EYS: variants seen among roughly 807,000 people sequenced by gnomAD.
EYS encodes the protein protein eyes shut homolog.
Under a neutral mutation model 282.1 loss-of-function variants are expected in EYS, and 250 were observed. The ratio of observed to expected loss-of-function variants is 0.89; its 90% CI spans 0.80 to 0.98. EYS has a LOEUF of 0.98. Among genes scored for constraint, EYS ranks in the 50% least tolerant of loss-of-function variants. The pLI is 0.00. For synonymous variants in EYS, 1,355 were observed against 1,282.9 expected (o/e 1.06, Z -1.20); for missense variants, 4,016 against 3,709.0 (o/e 1.08, Z -2.15).
At chr6:64,362,785 C>T (rs1772059989) in intron 29 of EYS, among the ~76,000 whole-genome samples, 1 of 151,608 alleles carries the variant, frequency 6.6e-6, no homozygotes. Flanking sequence ...TTGATTTTTA[C>T]TTCAACAGTA....
intron 35 of EYS, among the ~76,000 whole-genome samples, chr6:63,947,200 A>T (rs1037545611): frequency 5.9e-5 from 9 of 152,062 alleles, no homozygotes; most frequent in African/African-American, 2.2e-4. Context: ...GTTTGCCTGT[A>T]GAGTGAATGT....
chr6:63,814,869 G>C (rs1771140516), intron 36 of EYS, among the ~76,000 whole-genome samples: 1 of 152,090 alleles, frequency 6.6e-6, no homozygotes, highest in South Asian at 2.1e-4. Context: ...TATTACATAA[G>C]CTGTGCAGGT....
intron 12 of EYS, among the ~76,000 whole-genome samples, chr6:65,273,585 A>T (rs1767962723): frequency 6.6e-6 from 1 of 152,194 alleles, no homozygotes; most frequent in South Asian, 2.1e-4. Context: ...GGGGAAAAAA[A>T]GAGAAAGACA....
chr6:64,569,026 GAAAA>G (rs4034162), intron 26 of EYS, among the ~76,000 whole-genome samples: 3 of 101,728 alleles, frequency 2.9e-5, no homozygotes, highest in African/African-American at 1.2e-4. Context: ...AGATGGAAAA[GAAAA>G]AAAAAAAAAA....
rs199930674 is a variant in EYS at position 63,867,445 on chromosome 6, T to C, written c.7056-3087A>G. ...AATTAAAAGTAGGTCTGCGAAATAA[T>C]CCAGATTATGGTGAAGTTTTTACCT... is the stretch of plus-strand genomic sequence containing the variant. On this transcript the variant is annotated intron_variant, in intron 35 of 42. Coordinates refer to ENST00000503581, the MANE Select transcript of EYS (RefSeq NM_001142800.2). 6.6e-5 allele frequency among the ~76,000 whole-genome samples: 10 copies of C among 152,226 alleles called. No homozygotes were observed. In the East Asian group the frequency reaches 1.9e-3, roughly 29 times the overall value.
At chr6:65,093,532 A>G (rs1046320709) in intron 12 of EYS, among the ~76,000 whole-genome samples, 15 of 151,948 alleles carry the variant, frequency 9.9e-5, no homozygotes, top group Admixed American at 6.6e-4. Context: ...GTAAAAGTGT[A>G]GAAATTTTAT....
chr6:64,347,573 A>T (rs1159464314), intron 29 of EYS, among the ~76,000 whole-genome samples: 2 of 134,840 alleles, frequency 1.5e-5, no homozygotes, highest in African/African-American at 5.7e-5. Context: ...CTACTTATGC[A>T]TATGTTTGAA....
At chr6:65,589,039 A>T (rs1294969985) in intron 2 of EYS, among the ~76,000 whole-genome samples, 1 of 151,930 alleles carries the variant, frequency 6.6e-6, no homozygotes, top group Non-Finnish European at 1.5e-5. Flanking sequence ...TCCCCTCCTG[A>T]TAAGTTTATT....
At chr6:64,165,938 G>A (rs1363697758) in intron 31 of EYS, among the ~76,000 whole-genome samples, 2 of 152,168 alleles carry the variant, frequency 1.3e-5, no homozygotes, top group Non-Finnish European at 2.9e-5. Flanking sequence ...CATAATGAAT[G>A]GAATTTCTAT....
intron 13 of EYS, among the ~76,000 whole-genome samples, chr6:65,024,212 G>C (rs953880972): frequency 5.3e-5 from 8 of 152,204 alleles, no homozygotes; most frequent in African/African-American, 1.9e-4. Context: ...TGTCTAGGGA[G>C]CTTTTATTCA....
At chr6:64,938,727 G>GC (rs1768992994) in intron 15 of EYS, among the ~76,000 whole-genome samples, 2 of 151,572 alleles carry the variant, frequency 1.3e-5, no homozygotes, top group Admixed American at 6.6e-5. Context: ...TTTAAGGGAG[G>GC]CTAGGATAAG....
At chr6:65,675,659 T>A (rs539772784) in intron 1 of EYS, among the ~76,000 whole-genome samples, 1 of 151,792 alleles carries the variant, frequency 6.6e-6, no homozygotes, top group South Asian at 2.1e-4. Context: ...TAGCAGGAAA[T>A]CCCACACTCC....
chr6:64,039,337 T>C (rs1302664224), intron 33 of EYS, among the ~76,000 whole-genome samples: 3 of 152,174 alleles, frequency 2.0e-5, no homozygotes, highest in Non-Finnish European at 4.4e-5. Flanking sequence ...CTAACTCAAG[T>C]CAACTGCTTA....
chr6:63,792,347 A>G (rs191573947), intron 37 of EYS, among the ~76,000 whole-genome samples: 48 of 152,080 alleles, frequency 3.2e-4, no homozygotes, highest in Middle Eastern at 6.8e-3. Flanking sequence ...CTGGTAGTAA[A>G]TGATGGAGTA....
chr6:64,695,329 A>T lies in EYS; in HGVS notation c.3444-69084T>A, dbSNP rs114604985. 6.9e-3 allele frequency among the ~76,000 whole-genome samples: 1,054 copies of T among 152,242 alleles called. 4 individuals are homozygous for T. Among genetic ancestry groups the T allele is most frequent in the Non-Finnish European group, 9.2e-3 (627 of 68,018 alleles). The stretch of plus-strand genomic sequence containing the variant: ...GAGGTCAACTTGCACAGCTCATTAC[A>T]ACATCTGCTGATACCAATTCATAAC... On this transcript the variant is annotated intron_variant, in intron 22 of 42. Transcript: ENST00000503581.
At chr6:65,145,053 G>A (rs1276108181) in intron 12 of EYS, among the ~76,000 whole-genome samples, 2 of 151,930 alleles carry the variant, frequency 1.3e-5, no homozygotes, top group Non-Finnish European at 2.9e-5. Flanking sequence ...TTACAGGCAT[G>A]AGCCACAGAG....
At chr6:64,039,135 T>C (rs1239623640) in intron 33 of EYS, among the ~76,000 whole-genome samples, 1 of 152,184 alleles carries the variant, frequency 6.6e-6, no homozygotes, top group African/African-American at 2.4e-5. Context: ...TGGCCTATTC[T>C]ACCTAATTTT....
chr6:63,787,935 A>G (rs180878485), intron 39 of EYS, among the ~76,000 whole-genome samples, 170 bp downstream of exon 39: 72 of 152,240 alleles, frequency 4.7e-4, no homozygotes, highest in African/African-American at 1.7e-3. Context: ...GCGAAACTCC[A>G]TCTAAAAAAA....
At chr6:64,244,829 C>G (rs1766956462) in intron 30 of EYS, among the ~76,000 whole-genome samples, 2 of 152,144 alleles carry the variant, frequency 1.3e-5, no homozygotes, top group Non-Finnish European at 1.5e-5. Context: ...TATTTTCTAT[C>G]TTTTTTTAAA....
Sources: gnomAD v4.1 joint callset for allele counts (sites outside exome capture counted in the v4.1 genomes callset) on GRCh38, gnomAD v4.1.1 for gene constraint, MANE v1.5 for transcripts, NCBI Gene and HGNC (gene_info 2026-07-23, HGNC 2026-07-21) for gene names.